The following RBFOX1 variants were observed in gnomAD, a reference collection of about 807,000 sequenced individuals.
RBFOX1 encodes RNA binding fox-1 homolog 1, also known as RNA binding protein fox-1 homolog 1.
Under a neutral mutation model 57.7 loss-of-function variants are expected in RBFOX1, and 8 were observed. That is an observed-to-expected ratio of 0.14 (90% CI 0.08 to 0.25). The LOEUF (loss-of-function observed/expected upper bound fraction) is 0.25. Among genes scored for constraint, RBFOX1 ranks in the 10% least tolerant of loss-of-function variants. RBFOX1 has a pLI of 1.00. For missense variants in RBFOX1, 611 were observed against 548.5 expected, an observed-to-expected ratio of 1.11 and a Z score of -1.14; for synonymous variants, 326 against 222.4, an observed-to-expected ratio of 1.47 and a Z score of -4.15.
chr16:6,019,254 A>T lies in RBFOX1; in HGVS notation c.-865A>T. 1.0e-6 allele frequency: 1 copy of T among 984,224 alleles called. No individual in the cohort carries two copies. Among genetic ancestry groups the T allele is most frequent in the Non-Finnish European group, 1.2e-6 (1 of 829,696 alleles). The allele number at this position is 984,224 out of a possible 1,614,324, so 61.0% of individuals were successfully genotyped here. The stretch of plus-strand genomic sequence containing the variant: ...GGGTGCACACACCGCTCCCTCGATC[A>T]CCCCAGCCCCCTTCCTGGTCTCCCG... On this transcript the variant is annotated 5_prime_UTR_variant, in exon 1 of 16. Transcript: ENST00000550418. The surrounding 1 kb of genome is among the most constrained non-coding windows in gnomAD (Gnocchi z 4.2).
chr16:5,978,059 T>G (rs2060100762), intron 4 of RBFOX1, among the ~76,000 whole-genome samples: 1 of 132,020 alleles, frequency 7.6e-6, no homozygotes, highest in Admixed American at 9.7e-5. Context: ...CTTTCCAAAG[T>G]GGAAGGATCA....
intron 4 of RBFOX1, among the ~76,000 whole-genome samples, chr16:7,243,872 TTA>T (rs2094175181): frequency 6.6e-6 from 1 of 152,150 alleles, no homozygotes; most frequent in Non-Finnish European, 1.5e-5. Flanking sequence ...TTCTTAATGA[TTA>T]TGTTATAATC....
intron 4 of RBFOX1, among the ~76,000 whole-genome samples, chr16:7,504,510 C>T (rs1324070495): frequency 4.0e-5 from 6 of 150,324 alleles, no homozygotes; most frequent in Non-Finnish European, 7.4e-5. Flanking sequence ...CCATAACTCT[C>T]ACAAATATCA....
chr16:7,692,732 CATT>C (rs2077624139), intron 14 of RBFOX1, among the ~76,000 whole-genome samples: 1 of 152,066 alleles, frequency 6.6e-6, no homozygotes, highest in Non-Finnish European at 1.5e-5. Flanking sequence ...TTTCTATTTT[CATT>C]ATTTTTAATA....
At chr16:7,140,880 G>T (rs943183223) in intron 4 of RBFOX1, among the ~76,000 whole-genome samples, 1 of 152,192 alleles carries the variant, frequency 6.6e-6, no homozygotes, top group Non-Finnish European at 1.5e-5. Flanking sequence ...TTTGTGAAAT[G>T]CTTCCATTAG....
intron 1 of RBFOX1, among the ~76,000 whole-genome samples, chr16:6,274,814 C>T (rs1257539636): frequency 2.0e-5 from 3 of 152,082 alleles, no homozygotes; most frequent in Admixed American, 6.5e-5. Flanking sequence ...AAGTGCTATT[C>T]AGAGAATGAG....
At chr16:6,182,640 C>T (rs2097072872) in intron 1 of RBFOX1, among the ~76,000 whole-genome samples, 1 of 152,230 alleles carries the variant, frequency 6.6e-6, no homozygotes, top group South Asian at 2.1e-4. Flanking sequence ...ACCTATATAA[C>T]ACATTGTGAT....
At chr16:6,259,833 C>G (rs915012612) in intron 1 of RBFOX1, among the ~76,000 whole-genome samples, 1 of 151,784 alleles carries the variant, frequency 6.6e-6, no homozygotes, top group Non-Finnish European at 1.5e-5. Context: ...TGGTGGTGCA[C>G]ACCTGTAGTC....
At chr16:6,742,613 A>C (rs992415938) in intron 3 of RBFOX1, among the ~76,000 whole-genome samples, 1 of 152,200 alleles carries the variant, frequency 6.6e-6, no homozygotes, top group African/African-American at 2.4e-5. Context: ...TGGTTAAAGA[A>C]ACTGTGAGAT....
At chr16:7,595,695 G>C in intron 8 of RBFOX1, 54 bp downstream of exon 8, 3 of 1,445,532 alleles carry the variant, frequency 2.1e-6, no homozygotes, top group Non-Finnish European at 2.8e-6. Context: ...TCTGCTTCAC[G>C]CTCATTCGTT....
intron 3 of RBFOX1, among the ~76,000 whole-genome samples, chr16:6,852,969 C>A (rs757326414): frequency 6.6e-6 from 1 of 152,130 alleles, no homozygotes; most frequent in African/African-American, 2.4e-5. Flanking sequence ...ATCAAGAGAC[C>A]ATGTGAGCCC....
intron 1 of RBFOX1, among the ~76,000 whole-genome samples, chr16:6,176,954 A>G (rs952348638): frequency 1.3e-5 from 2 of 152,080 alleles, no homozygotes. Flanking sequence ...TAGTGGTTCA[A>G]CCTGTCTTGG....
At chr16:7,592,053 G>C (rs2094469560) in intron 7 of RBFOX1, among the ~76,000 whole-genome samples, 2 of 152,052 alleles carry the variant, frequency 1.3e-5, no homozygotes, top group African/African-American at 4.8e-5. Flanking sequence ...CTTCTTGTCT[G>C]GGTGGGAGGT....
intron 1 of RBFOX1, among the ~76,000 whole-genome samples, chr16:6,162,987 C>T (rs866288320): frequency 1.3e-5 from 2 of 152,122 alleles, no homozygotes; most frequent in Non-Finnish European, 2.9e-5. Context: ...ACCTGCCTCA[C>T]CTTCCCAAAG....
chr16:7,048,086 C>T (rs2048664336), intron 3 of RBFOX1, among the ~76,000 whole-genome samples: 1 of 152,010 alleles, frequency 6.6e-6, no homozygotes, highest in African/African-American at 2.4e-5. Flanking sequence ...ACCATGTTGG[C>T]CAGGCTGGTC....
chr16:5,265,009 T>A (rs769382391), intron 1 of RBFOX1, among the ~76,000 whole-genome samples: 1 of 152,096 alleles, frequency 6.6e-6, no homozygotes, highest in Non-Finnish European at 1.5e-5. Flanking sequence ...TCTCTGTGTG[T>A]GTGTGTGTGT....
At chr16:5,560,122 C>G (rs1212776520) in intron 2 of RBFOX1, among the ~76,000 whole-genome samples, 1 of 152,152 alleles carries the variant, frequency 6.6e-6, no homozygotes, top group Non-Finnish European at 1.5e-5. Flanking sequence ...TAAATTTCTT[C>G]TCTTTCCTCT....
rs150976254 is a variant in RBFOX1, at chr16:7,525,291, T to TTGTG, written c.270+6917_270+6920dup. 1.6e-3 allele frequency among the ~76,000 whole-genome samples: 248 copies of TTGTG among 151,076 alleles called. 1 individual carries two copies. Among genetic ancestry groups the TTGTG allele is most frequent in the African/African-American group, 5.9e-3 (241 of 41,190 alleles). ...CATATTTAGGGGTTCAGTCATTATTTTGTGTGTGTGTGTGTGTGCATTTTT... is the reference window on the plus strand; with the variant it reads ...CATATTTAGGGGTTCAGTCATTATTTTGTGTGTGTGTGTGTGTGTGTGCATTTTT... On this transcript the variant is annotated intron_variant, in intron 5 of 15. Transcript: ENST00000550418.
At chr16:6,779,386 A>G (rs982274535) in intron 3 of RBFOX1, among the ~76,000 whole-genome samples, 3 of 151,962 alleles carry the variant, frequency 2.0e-5, no homozygotes, top group Non-Finnish European at 4.4e-5. Flanking sequence ...CATTGTATGT[A>G]TGTACCACAT....
Sources: gnomAD v4.1 joint callset for allele counts (sites outside exome capture counted in the v4.1 genomes callset) on GRCh38, gnomAD v4.1.1 for gene constraint, Gnocchi (gnomAD v3.1) non-coding constraint, MANE v1.5 for transcripts, NCBI Gene and HGNC (gene_info 2026-07-23, HGNC 2026-07-21) for gene names.